SLC25A48: variants seen among roughly 807,000 people sequenced by gnomAD.
The protein encoded by SLC25A48 is solute carrier family 25 member 48, also known as CTC-321K16.1.
Under a neutral mutation model 32.2 loss-of-function variants are expected in SLC25A48, and 29 were observed. That is an observed-to-expected ratio of 0.90 (90% CI 0.67 to 1.23). The LOEUF (loss-of-function observed/expected upper bound fraction) is 1.23. Among genes scored for constraint, SLC25A48 ranks in the 50% most tolerant of loss-of-function variants. The probability of loss-of-function intolerance (pLI) is 0.00; values close to 1 mark genes in which losing one functional copy is unlikely to be tolerated. For missense variants in SLC25A48, 399 were observed against 422.7 expected (o/e 0.94, Z 0.49); for synonymous variants, 164 against 172.3 (o/e 0.95, Z 0.38).
intron 1 of SLC25A48, among the ~76,000 whole-genome samples, chr5:135,622,908 A>G (rs1018589776): frequency 9.8e-5 from 15 of 152,332 alleles, no homozygotes; most frequent in Non-Finnish European, 1.0e-4. Context: ...CTACGTTAGA[A>G]TCTGATTATG....
chr5:135,648,949 C>G (rs1213648192), intron 3 of SLC25A48: 1 of 152,276 alleles, frequency 6.6e-6, no homozygotes, highest in Non-Finnish European at 1.5e-5. Context: ...GCAGCCTGGA[C>G]ACCGGTTATG....
At chr5:135,848,272 G>C (rs1013645304) in intron 2 of SLC25A48, among the ~76,000 whole-genome samples, 1 of 152,174 alleles carries the variant, frequency 6.6e-6, no homozygotes, top group African/African-American at 2.4e-5. Context: ...TGCAGGGGGT[G>C]GGTGGCAGTC....
At chr5:135,692,937 C>T (rs2126959594) in intron 3 of SLC25A48, among the ~76,000 whole-genome samples, 1 of 152,268 alleles carries the variant, frequency 6.6e-6, no homozygotes, top group South Asian at 2.1e-4. Context: ...GAGTAAAGGT[C>T]CTCTAAGTGC....
At chr5:135,700,371 CAAAAAAAAAAAAAA>C (rs34125451) in intron 3 of SLC25A48, among the ~76,000 whole-genome samples, 1 of 67,952 alleles carries the variant, frequency 1.5e-5, no homozygotes, top group Admixed American at 2.1e-4. Context: ...GACTCTGTCT[CAAAAAAAAAAAAAA>C]AAAAAAAAGA....
In SLC25A48 at chr5:135,786,120, G is replaced by A. The variant is rs1045264031; in HGVS notation, c.-520-26403G>A. On this transcript the variant is annotated intron_variant, in intron 3 of 10. Transcript: ENST00000646290. ...GGGAGGGTGATATTACTCCCCATGA[G>A]CAGAGGGTGGAACACCCCCCTTGCT... Among the ~76,000 whole-genome samples the A allele has an allele frequency of 1.8e-4, 27 of 151,504 alleles. 1 individual carries two copies. The highest frequency in any genetic ancestry group is 7.8e-4 in the East Asian group (4 of 5,110).
intron 3 of SLC25A48, among the ~76,000 whole-genome samples, chr5:135,667,888 G>A (rs906497218): frequency 1.3e-5 from 2 of 152,194 alleles, no homozygotes; most frequent in African/African-American, 4.8e-5. Context: ...TATAAACATT[G>A]CATCACTTCC....
chr5:135,801,177 T>A (rs1757313815), intron 3 of SLC25A48, among the ~76,000 whole-genome samples: 1 of 150,944 alleles, frequency 6.6e-6, no homozygotes, highest in Non-Finnish European at 1.5e-5. Flanking sequence ...TCTGTGATAT[T>A]GTTTGTAATA....
intron 1 of SLC25A48, among the ~76,000 whole-genome samples, chr5:135,611,539 G>GA (rs1752071572): frequency 7.2e-5 from 6 of 83,192 alleles, no homozygotes; most frequent in African/African-American, 1.8e-4. Flanking sequence ...AAAAAGAAAA[G>GA]AAAAGAAAAA....
At chr5:135,662,963 G>T (rs2126935800) in intron 3 of SLC25A48, among the ~76,000 whole-genome samples, 1 of 152,222 alleles carries the variant, frequency 6.6e-6, no homozygotes, top group Admixed American at 6.5e-5. Flanking sequence ...GAGCAATTCT[G>T]CCTGGTGCCC....
intron 4 of SLC25A48, among the ~76,000 whole-genome samples, chr5:135,862,019 G>A (rs1026963803): frequency 3.9e-5 from 6 of 152,234 alleles, no homozygotes; most frequent in Admixed American, 3.9e-4. Flanking sequence ...TGACAGTAAG[G>A]CACCTGTGAA....
chr5:135,755,702 A>G (rs1194692176), intron 3 of SLC25A48, among the ~76,000 whole-genome samples: 1 of 151,956 alleles, frequency 6.6e-6, no homozygotes, highest in African/African-American at 2.4e-5. Context: ...GGTATTTCTT[A>G]TATCTAGTGT....
At chr5:135,796,447 T>C (rs1757181708) in intron 3 of SLC25A48, among the ~76,000 whole-genome samples, 1 of 151,518 alleles carries the variant, frequency 6.6e-6, no homozygotes, top group Admixed American at 6.6e-5. Context: ...GTGGAGAGGG[T>C]GATATTACTC....
chr5:135,643,406 C>T (rs561375462), intron 3 of SLC25A48, among the ~76,000 whole-genome samples: 1 of 152,194 alleles, frequency 6.6e-6, no homozygotes, highest in Non-Finnish European at 1.5e-5. Context: ...GCCACACTTG[C>T]AGGAAGAGCC....
In SLC25A48 at chr5:135,666,390, G is replaced by A. The variant is rs534394794; in HGVS notation, c.-521+31434G>A. 3.3e-5 allele frequency among the ~76,000 whole-genome samples: 5 copies of A among 152,322 alleles called. 1 individual carries two copies. The highest frequency in any genetic ancestry group is 1.2e-4 in the African/African-American group (5 of 41,568). Reference sequence around the variant, plus strand: ...TTTCAGTAAAATACCCCGGGGATCTGCTGTCTTCAGATATCTTTCACATAA... The same window carrying A: ...TTTCAGTAAAATACCCCGGGGATCTACTGTCTTCAGATATCTTTCACATAA... On this transcript the variant is annotated intron_variant, in intron 3 of 10. Transcript: ENST00000646290.
At chr5:135,717,235 A>AC (rs1244160045) in intron 3 of SLC25A48, among the ~76,000 whole-genome samples, 1 of 152,158 alleles carries the variant, frequency 6.6e-6, no homozygotes. Context: ...GGTCCTGCCC[A>AC]CTGGTCCTCT....
At chr5:135,679,072 T>C (rs1045648558) in intron 3 of SLC25A48, among the ~76,000 whole-genome samples, 1 of 152,162 alleles carries the variant, frequency 6.6e-6, no homozygotes, top group Non-Finnish European at 1.5e-5. Flanking sequence ...CAGGTGGGTC[T>C]TGGGCCCCTG....
At chr5:135,601,677 C>G (rs1751799338) in intron 1 of SLC25A48, among the ~76,000 whole-genome samples, 2 of 152,266 alleles carry the variant, frequency 1.3e-5, no homozygotes, top group Admixed American at 1.3e-4. Flanking sequence ...TCCTACCAGA[C>G]TGCAGGGACA....
chr5:135,815,998 CATA>C (rs1757708305), intron 4 of SLC25A48, among the ~76,000 whole-genome samples: 1 of 152,168 alleles, frequency 6.6e-6, no homozygotes, highest in African/African-American at 2.4e-5. Flanking sequence ...CTCACAGTTC[CATA>C]TGGCTGGGGA....
At chr5:135,725,647 G>A (rs1755071668) in intron 3 of SLC25A48, among the ~76,000 whole-genome samples, 2 of 152,066 alleles carry the variant, frequency 1.3e-5, no homozygotes, top group Admixed American at 1.3e-4. Flanking sequence ...CCCTCTCGTG[G>A]GCTCCTGTGT....
Sources: gnomAD v4.1 joint callset for allele counts (sites outside exome capture counted in the v4.1 genomes callset) on GRCh38, gnomAD v4.1.1 for gene constraint, MANE v1.5 for transcripts, NCBI Gene and HGNC (gene_info 2026-07-23, HGNC 2026-07-21) for gene names.